PRRG1: variants seen among roughly 807,000 people sequenced by gnomAD.
The protein encoded by PRRG1 is transmembrane gamma-carboxyglutamic acid protein 1.
Under a neutral mutation model 11.8 loss-of-function variants are expected in PRRG1, and 5 were observed. The ratio of observed to expected loss-of-function variants is 0.42; its 90% confidence interval spans 0.22 to 0.89. PRRG1 has a LOEUF of 0.89. Among genes scored for constraint, PRRG1 ranks in the 40% least tolerant of loss-of-function variants. The pLI, the probability that PRRG1 is intolerant of heterozygous loss-of-function variation, is 0.28. For synonymous variants in PRRG1, 66 were observed against 60.4 expected (o/e 1.09, Z -0.43); for missense variants, 155 against 166.1 (o/e 0.93, Z 0.37).
chrX:37,398,659 G>A (rs1260547842), intron 1 of PRRG1, among the ~76,000 whole-genome samples: 4 of 112,155 alleles, frequency 3.6e-5, no homozygotes, highest in Admixed American at 9.4e-5. Flanking sequence ...GAGAGAAGAC[G>A]GCTTCAGACG....
chrX:37,398,141 G>A (rs782257064), intron 1 of PRRG1, among the ~76,000 whole-genome samples: 251 of 110,988 alleles, frequency 2.3e-3, no homozygotes, highest in African/African-American at 7.4e-3. Context: ...CTCCCAGCAC[G>A]CAGCTGGAGA....
At chrX:37,433,719 G>A (rs2146617924) in intron 3 of PRRG1, among the ~76,000 whole-genome samples, 1 of 112,265 alleles carries the variant, frequency 8.9e-6, no homozygotes, top group African/African-American at 3.2e-5. Context: ...TTTGATGGAT[G>A]AATGAAGGAA....
chrX:37,368,252 G>A (rs1207681120), intron 1 of PRRG1, among the ~76,000 whole-genome samples: 1 of 112,134 alleles, frequency 8.9e-6, no homozygotes, highest in African/African-American at 3.2e-5. Flanking sequence ...TTCTAGTTCA[G>A]TTAATTGCTG....
intron 3 of PRRG1, among the ~76,000 whole-genome samples, chrX:37,449,623 A>AT (rs782024833): frequency 1.5e-4 from 17 of 112,271 alleles, no homozygotes; most frequent in Middle Eastern, 4.7e-3. Context: ...GCAGCTCCAG[A>AT]TTGTGTTTAT....
chrX:37,417,736 T>C (rs190072250), intron 2 of PRRG1, among the ~76,000 whole-genome samples: 30 of 111,834 alleles, frequency 2.7e-4, no homozygotes, highest in African/African-American at 9.7e-4. Flanking sequence ...AAAAAAAGTT[T>C]GAAGGCATTA....
Position 37,406,077 on chromosome X carries a change from G to A in PRRG1, c.-41-132G>A, listed in dbSNP as rs145144087. ...TCTTTGTGAGGGAGAAAACATTTAT[G>A]TAAGGGAGAAAGATTGGAATGTACT... is the stretch of plus-strand genomic sequence containing the variant. On this transcript the variant is annotated intron_variant, in intron 1 of 3. Transcript: ENST00000378628. The A allele has an allele frequency of 2.9e-4, 146 of 499,491 alleles. No homozygotes were observed. In the East Asian group the frequency reaches 5.6e-3, roughly 19 times the overall value. The allele number at this position is 499,491 out of a possible 1,213,427, so 41.2% of individuals were successfully genotyped here. A position where few individuals can be genotyped will look rare whatever the true frequency, so the allele number is the denominator to read the frequency against.
intron 1 of PRRG1, among the ~76,000 whole-genome samples, chrX:37,373,940 A>G (rs1930850312): frequency 9.0e-6 from 1 of 111,501 alleles, no homozygotes; most frequent in African/African-American, 3.3e-5. Context: ...TTGTGTTAAG[A>G]TACATTCTTC....
At chrX:37,438,321 A>G (rs912383507) in intron 3 of PRRG1, among the ~76,000 whole-genome samples, 2 of 110,538 alleles carry the variant, frequency 1.8e-5, no homozygotes, top group Admixed American at 1.9e-4. Flanking sequence ...ATTAAACATC[A>G]TATTTCATTG....
chrX:37,394,958 A>G lies in PRRG1; in HGVS notation c.-41-11251A>G, dbSNP rs541478949. Among the ~76,000 whole-genome samples the G allele has an allele frequency of 3.2e-4, 36 of 112,198 alleles. No individual in the cohort carries two copies. The South Asian group carries it at 0.012, about 39-fold the overall frequency. ...TTGAACCATATTGACCAACTAGAAG[A>G]TAAACCTCAAGAACCAGATTGTACC... On this transcript the variant is annotated intron_variant, in intron 1 of 3. Transcript: ENST00000378628.
chrX:37,449,201 C>T (rs1260967357), intron 3 of PRRG1, among the ~76,000 whole-genome samples: 10 of 111,473 alleles, frequency 9.0e-5, no homozygotes, highest in Non-Finnish European at 1.9e-4. Context: ...CTCCTAAGGT[C>T]CTTCCTCCCC....
intron 1 of PRRG1, among the ~76,000 whole-genome samples, chrX:37,398,128 G>T (rs1412325247): frequency 9.0e-6 from 1 of 110,766 alleles, no homozygotes; most frequent in Admixed American, 9.6e-5. Flanking sequence ...GAGAGCAGTG[G>T]TTCTCCCAGC....
At position 37,451,713 on chromosome X, in the gene PRRG1, A is replaced by G. The variant is rs193042389; in HGVS notation, c.172-1423A>G. The stretch of plus-strand genomic sequence containing the variant: ...GTCCAGTTCCTCTTAGAATTATAGA[A>G]TGTTGGAGTAATAATGTACCTTAGA... On this transcript the variant is annotated intron_variant, in intron 3 of 3. Transcript: ENST00000378628. 3.5e-3 allele frequency among the ~76,000 whole-genome samples: 388 copies of G among 112,274 alleles called. 1 individual carries two copies. The highest frequency in any genetic ancestry group is 0.011 in the African/African-American group (352 of 30,965).
At chrX:37,435,940 T>G (rs1206661114) in intron 3 of PRRG1, among the ~76,000 whole-genome samples, 1 of 112,120 alleles carries the variant, frequency 8.9e-6, no homozygotes, top group East Asian at 2.8e-4. Context: ...GAAGCTCACA[T>G]TAAGGGAAAC....
At chrX:37,411,101 C>T (rs141975498) in intron 2 of PRRG1, among the ~76,000 whole-genome samples, 1,133 of 110,709 alleles carry the variant, frequency 0.01, 12 homozygotes, top group African/African-American at 0.035. Flanking sequence ...AACCATGGAT[C>T]GAAGTTATTT....
intron 1 of PRRG1, among the ~76,000 whole-genome samples, chrX:37,382,150 C>G (rs1489994979): frequency 1.8e-5 from 2 of 111,681 alleles, no homozygotes; most frequent in African/African-American, 3.2e-5. Flanking sequence ...CCTTTGTGAT[C>G]TAACTCTTTC....
Position 37,432,920 on chromosome X carries a change from A to T in PRRG1, c.171+6920A>T, listed in dbSNP as rs189605824. On this transcript the variant is annotated intron_variant, in intron 3 of 3. Transcript: ENST00000378628. ...TACATCCTCTCTGATCTCAATAAGT[A>T]GTAACTCCATCCATCATGTTTGCTG... is the stretch of plus-strand genomic sequence containing the variant. 2.7e-5 allele frequency among the ~76,000 whole-genome samples: 3 copies of T among 111,795 alleles called. No homozygotes were observed. In the East Asian group the frequency reaches 8.5e-4, roughly 32 times the overall value.
intron 1 of PRRG1, among the ~76,000 whole-genome samples, chrX:37,374,309 G>A (rs1930867764): frequency 8.9e-6 from 1 of 111,800 alleles, no homozygotes; most frequent in Non-Finnish European, 1.9e-5. Context: ...ACTGTGATAT[G>A]TCATTTTTCT....
chrX:37,426,928 T>G (rs1401426233), intron 3 of PRRG1, among the ~76,000 whole-genome samples: 11 of 111,654 alleles, frequency 9.9e-5, no homozygotes, highest in Admixed American at 4.8e-4. Context: ...ATCACTTGAG[T>G]TTTTAGCACC....
At chrX:37,419,433 A>G (rs1369398511) in intron 2 of PRRG1, among the ~76,000 whole-genome samples, 1 of 112,265 alleles carries the variant, frequency 8.9e-6, no homozygotes, top group Non-Finnish European at 1.9e-5. Context: ...TTTCTTGAGA[A>G]GAAGTTCTGA....
Sources: allele counts gnomAD v4.1 joint callset (sites outside exome capture counted in the v4.1 genomes callset), GRCh38; gene constraint gnomAD v4.1.1; transcripts MANE v1.5; gene names NCBI Gene and HGNC (gene_info 2026-07-23, HGNC 2026-07-21).